The following ELFN1 variants were observed in gnomAD, a reference collection of about 807,000 sequenced individuals.
ELFN1 encodes protein ELFN1.
A neutral mutation model predicts 7.6 loss-of-function variants in ELFN1; 6 were observed. The ratio of observed to expected loss-of-function variants is 0.79; its 90% confidence interval spans 0.43 to 1.56. The LOEUF (loss-of-function observed/expected upper bound fraction) is 1.56. ELFN1 is among the 40% of genes most tolerant of loss of function. The probability of loss-of-function intolerance (pLI) is 0.01; values close to 1 mark genes in which losing one functional copy is unlikely to be tolerated. For missense variants in ELFN1, 1,169 were observed against 1,232.2 expected (o/e 0.95, Z 0.77); for synonymous variants, 657 against 588.1 (o/e 1.12, Z -1.70).
intron 3 of ELFN1, among the ~76,000 whole-genome samples, chr7:1,737,656 C>T (rs1391723631): frequency 2.6e-5 from 4 of 152,282 alleles, no homozygotes; most frequent in East Asian, 1.9e-4. Flanking sequence ...ACCACCTCCC[C>T]GCAGCCCTGT....
intron 3 of ELFN1, among the ~76,000 whole-genome samples, chr7:1,728,092 C>G (rs952315164): frequency 6.6e-6 from 1 of 152,162 alleles, no homozygotes; most frequent in Non-Finnish European, 1.5e-5. Flanking sequence ...CCAGACCTTC[C>G]TGCTCCACCC....
At chr7:1,725,721 C>T (rs1034277196) in intron 3 of ELFN1, among the ~76,000 whole-genome samples, 7 of 152,060 alleles carry the variant, frequency 4.6e-5, no homozygotes, top group Non-Finnish European at 5.9e-5. Flanking sequence ...GTGTGCACGT[C>T]GGGAAAGGGT....
chr7:1,676,670 G>T (rs1373978827), intron 1 of ELFN1, among the ~76,000 whole-genome samples: 1 of 152,248 alleles, frequency 6.6e-6, no homozygotes, highest in Non-Finnish European at 1.5e-5. Context: ...TGTGCAAAGA[G>T]ACAGGGAAGG....
At chr7:1,717,346 C>A (rs369028056) in intron 3 of ELFN1, among the ~76,000 whole-genome samples, 1 of 152,224 alleles carries the variant, frequency 6.6e-6, no homozygotes, top group East Asian at 1.9e-4. Flanking sequence ...GGCCTGGCCG[C>A]TTGCAGCATG....
intron 2 of ELFN1, among the ~76,000 whole-genome samples, chr7:1,691,623 C>T (rs1459889697): frequency 6.6e-6 from 1 of 152,220 alleles, no homozygotes. Context: ...TCCCACAGCC[C>T]AGGCCTGACC....
intron 3 of ELFN1, among the ~76,000 whole-genome samples, chr7:1,736,932 A>C (rs191798178): frequency 6.6e-6 from 1 of 151,482 alleles, no homozygotes; most frequent in East Asian, 1.9e-4. Flanking sequence ...AGAGAAGCCC[A>C]GGGAGGGGAG....
At chr7:1,679,888 A>C (rs1231125682) in intron 1 of ELFN1, among the ~76,000 whole-genome samples, 1 of 152,166 alleles carries the variant, frequency 6.6e-6, no homozygotes, top group Non-Finnish European at 1.5e-5. Context: ...CCTGTCCACC[A>C]CAGGGCCCTG....
chr7:1,712,535 G>A (rs1390605423), intron 3 of ELFN1, among the ~76,000 whole-genome samples: 1 of 151,760 alleles, frequency 6.6e-6, no homozygotes, highest in Non-Finnish European at 1.5e-5. Flanking sequence ...ATTTTCAAGT[G>A]ATTCTCCTTC....
At chr7:1,719,828 C>T (rs1486151826) in intron 3 of ELFN1, among the ~76,000 whole-genome samples, 1 of 151,526 alleles carries the variant, frequency 6.6e-6, no homozygotes, top group Non-Finnish European at 1.5e-5. Context: ...CTCTGCAAAC[C>T]CTCCCCCAAC....
intron 1 of ELFN1, among the ~76,000 whole-genome samples, chr7:1,679,547 C>T (rs1778936465): frequency 6.6e-6 from 1 of 152,162 alleles, no homozygotes; most frequent in Non-Finnish European, 1.5e-5. Flanking sequence ...GAGGCCCAGG[C>T]TGCTGCCTCA....
chr7:1,682,465 G>A (rs1167951055), intron 1 of ELFN1, among the ~76,000 whole-genome samples: 1 of 151,946 alleles, frequency 6.6e-6, no homozygotes, highest in East Asian at 1.9e-4. Context: ...TTCAGAGACA[G>A]GGTCTTACTC....
At chr7:1,722,217 T>G (rs1780043966) in intron 3 of ELFN1, among the ~76,000 whole-genome samples, 2 of 151,962 alleles carry the variant, frequency 1.3e-5, no homozygotes, top group African/African-American at 4.8e-5. Flanking sequence ...AAGCCTCTTT[T>G]TCTAAAGTTC....
chr7:1,674,361 C>G (rs1778826599), intron 1 of ELFN1, among the ~76,000 whole-genome samples: 1 of 152,196 alleles, frequency 6.6e-6, no homozygotes, highest in Non-Finnish European at 1.5e-5. Context: ...GTCTCAGGAT[C>G]TCGGTTACTC....
In ELFN1 at chr7:1,746,678, C is replaced by A; in HGVS notation, c.2082C>A (p.Ala694=). The change falls in exon 4 of 4, where the codon GCC becomes GCA. Residue 694 remains alanine (A), a synonymous_variant. Transcript: ENST00000424383. ...CGGCCGCCGTGCTGCGGGCCGAGGC[C>A]GAGAAGGGTCGCCAGTACGGCGAGC... ...TPAAAVLRAE[A]EKGRQYGEHR... is the part of the protein sequence containing the mutation. 1 of 1,418,242 alleles carries A rather than the reference C, an allele frequency of 7.1e-7. No individual in the cohort carries two copies. 87.9% of individuals were successfully genotyped at this position (1,418,242 alleles called of 1,614,324 possible).
chr7:1,718,200 C>T (rs544086195), intron 3 of ELFN1, among the ~76,000 whole-genome samples: 4 of 152,338 alleles, frequency 2.6e-5, no homozygotes, highest in Admixed American at 2.6e-4. Flanking sequence ...CAACTCCACT[C>T]ACGTCCCGTT....
At chr7:1,666,452 C>T (rs1343728262), upstream of ELFN1, among the ~76,000 whole-genome samples, 3 of 152,028 alleles carry the variant, frequency 2.0e-5, no homozygotes, top group African/African-American at 2.4e-5. The surrounding 1 kb of genome is among the most constrained non-coding windows in gnomAD (Gnocchi z 7.9). Context: ...CCCCATCCAC[C>T]CACCCAGGTT....
chr7:1,725,180 T>G (rs1426859600), intron 3 of ELFN1, among the ~76,000 whole-genome samples: 1 of 152,142 alleles, frequency 6.6e-6, no homozygotes, highest in Non-Finnish European at 1.5e-5. Context: ...CAAAACCTGG[T>G]GGGTGCAGGC....
At chr7:1,734,318 C>A (rs1320284580) in intron 3 of ELFN1, among the ~76,000 whole-genome samples, 1 of 152,186 alleles carries the variant, frequency 6.6e-6, no homozygotes, top group South Asian at 2.1e-4. Context: ...AGCGCCGGAG[C>A]AGGGAACCAT....
At position 1,695,991 on chromosome 7, in the gene ELFN1, C is replaced by T. The variant is rs1033537067; in HGVS notation, c.-456+7841C>T. On this transcript the variant is annotated intron_variant, in intron 2 of 3. Transcript: ENST00000424383. The surrounding 1 kb of genome is among the most constrained non-coding windows in gnomAD (Gnocchi z 5.1). ...AGACCTGACTCCTGCCTGCCTTTGTCGGCCCCGGCTCTCATAACAAAAGCG... is the reference window on the plus strand; with the variant it reads ...AGACCTGACTCCTGCCTGCCTTTGTTGGCCCCGGCTCTCATAACAAAAGCG... 6.6e-6 allele frequency among the ~76,000 whole-genome samples: 1 copy of T among 152,092 alleles called. No homozygotes were observed. The highest frequency in any genetic ancestry group is 2.4e-5 in the African/African-American group (1 of 41,396).
Sources: gnomAD v4.1 joint callset for allele counts (sites outside exome capture counted in the v4.1 genomes callset) on GRCh38, gnomAD v4.1.1 for gene constraint, Gnocchi (gnomAD v3.1) non-coding constraint, MANE v1.5 for transcripts, NCBI Gene and HGNC (gene_info 2026-07-23, HGNC 2026-07-21) for gene names.